Variants in RBFOX1 observed in about 807,000 individuals in gnomAD.
RBFOX1 encodes the protein RNA binding protein fox-1 homolog 1.
A neutral mutation model predicts 57.7 loss-of-function variants in RBFOX1; 8 were observed. The ratio of observed to expected loss-of-function variants is 0.14; its 90% CI spans 0.08 to 0.25. The LOEUF (loss-of-function observed/expected upper bound fraction) is 0.25, where lower values mean the gene tolerates loss of function less well. Among genes scored for constraint, RBFOX1 ranks in the 10% least tolerant of loss-of-function variants. The pLI, the probability that RBFOX1 is intolerant of heterozygous loss-of-function variation, is 1.00. For missense variants in RBFOX1, 611 were observed against 548.5 expected (o/e 1.11, Z -1.14); for synonymous variants, 326 against 222.4 (o/e 1.47, Z -4.15).
At chr16:7,575,839 C>T (rs1179259273) in intron 5 of RBFOX1, among the ~76,000 whole-genome samples, 3 of 152,170 alleles carry the variant, frequency 2.0e-5, no homozygotes, top group Non-Finnish European at 2.9e-5. Flanking sequence ...TGATCTCTAA[C>T]CCCAACATGC....
intron 1 of RBFOX1, among the ~76,000 whole-genome samples, chr16:5,457,307 AT>A (rs1567540044): frequency 6.6e-6 from 1 of 151,880 alleles, no homozygotes; most frequent in East Asian, 1.9e-4. Context: ...GATAATTTTT[AT>A]ATTTTTAGTA....
chr16:5,245,341 T>C (rs1181521771), intron 1 of RBFOX1, among the ~76,000 whole-genome samples: 1 of 152,148 alleles, frequency 6.6e-6, no homozygotes, highest in Non-Finnish European at 1.5e-5. Context: ...CTGAGGTTGC[T>C]TGGGACCCAG....
At chr16:5,535,552 C>T (rs143498752) in intron 2 of RBFOX1, among the ~76,000 whole-genome samples, 1 of 152,278 alleles carries the variant, frequency 6.6e-6, no homozygotes, top group East Asian at 1.9e-4. Flanking sequence ...TAGGAATAAT[C>T]CTCTGTTTTG....
chr16:6,024,728 G>A (rs190547372), intron 1 of RBFOX1, among the ~76,000 whole-genome samples: 12 of 152,192 alleles, frequency 7.9e-5, no homozygotes, highest in Non-Finnish European at 1.6e-4. Context: ...TGATCCACCC[G>A]CCTCCTCGGC....
At chr16:6,961,127 A>T (rs556234856) in intron 3 of RBFOX1, among the ~76,000 whole-genome samples, 2 of 116,916 alleles carry the variant, frequency 1.7e-5, no homozygotes, top group Non-Finnish European at 4.0e-5. Flanking sequence ...TGGGCAATAG[A>T]GACTCCATCA....
At chr16:5,568,373 A>G (rs1006420860) in intron 2 of RBFOX1, among the ~76,000 whole-genome samples, 2 of 152,142 alleles carry the variant, frequency 1.3e-5, no homozygotes, top group African/African-American at 4.8e-5. Flanking sequence ...TCCTTGCTTA[A>G]TACCTGATGG....
chr16:5,540,811 C>G (rs1266744267), intron 2 of RBFOX1, among the ~76,000 whole-genome samples: 1 of 152,130 alleles, frequency 6.6e-6, no homozygotes, highest in Non-Finnish European at 1.5e-5. Context: ...CAGCTCCATC[C>G]CAATTGCGCT....
At chr16:7,112,515 A>G (rs1314986825) in intron 4 of RBFOX1, among the ~76,000 whole-genome samples, 1 of 151,922 alleles carries the variant, frequency 6.6e-6, no homozygotes, top group Non-Finnish European at 1.5e-5. Flanking sequence ...CCTAACAAAC[A>G]TTCTTTTAAC....
At chr16:7,399,644 G>GCA (rs1421006789) in intron 4 of RBFOX1, among the ~76,000 whole-genome samples, 1 of 151,986 alleles carries the variant, frequency 6.6e-6, no homozygotes, top group Non-Finnish European at 1.5e-5. Context: ...TCTTCATATG[G>GCA]CATTCCCCTC....
At position 6,028,767 on chromosome 16, in the gene RBFOX1, G is replaced by T. The variant is rs74006565; in HGVS notation, c.-127+8775G>T. ...GTTCAGTCTGAATTACAGCAGGTAG[G>T]ATGCTGGTTAAAGAAGTGTCTTGCC... is the stretch of plus-strand genomic sequence containing the variant. On this transcript the variant is annotated intron_variant, in intron 1 of 15. Transcript: ENST00000550418. Among the ~76,000 whole-genome samples the T allele has an allele frequency of 4.0e-3, 605 of 152,278 alleles. 3 individuals are homozygous for T. The highest frequency in any genetic ancestry group is 0.014 in the African/African-American group (582 of 41,560).
intron 2 of RBFOX1, among the ~76,000 whole-genome samples, chr16:6,368,197 A>G (rs952350580): frequency 1.3e-5 from 2 of 152,152 alleles, no homozygotes; most frequent in African/African-American, 2.4e-5. Flanking sequence ...GACTTGTATT[A>G]TATACCCTGA....
At chr16:5,488,941 T>A (rs150178060) in intron 2 of RBFOX1, among the ~76,000 whole-genome samples, 58 of 152,360 alleles carry the variant, frequency 3.8e-4, no homozygotes, top group Non-Finnish European at 6.5e-4. Context: ...CATGTCAGTA[T>A]TCTGGTAAGC....
At chr16:7,601,862 C>A (rs1484878817) in intron 9 of RBFOX1, among the ~76,000 whole-genome samples, 1 of 152,126 alleles carries the variant, frequency 6.6e-6, no homozygotes, top group Non-Finnish European at 1.5e-5. Context: ...TAAATTTTGG[C>A]AATAAATACA....
At chr16:7,228,948 A>G (rs972758118) in intron 4 of RBFOX1, among the ~76,000 whole-genome samples, 6 of 152,200 alleles carry the variant, frequency 3.9e-5, no homozygotes, top group Non-Finnish European at 8.8e-5. Flanking sequence ...TAATAATATT[A>G]CAAGGCTTTA....
chr16:7,463,333 A>G (rs190012075), intron 4 of RBFOX1, among the ~76,000 whole-genome samples: 18 of 152,210 alleles, frequency 1.2e-4, no homozygotes, highest in African/African-American at 4.3e-4. Context: ...GTGTAACCAC[A>G]TTTCTACTAA....
intron 2 of RBFOX1, among the ~76,000 whole-genome samples, chr16:6,444,024 A>AC (rs2094438472): frequency 6.6e-6 from 1 of 152,186 alleles, no homozygotes; most frequent in South Asian, 2.1e-4. Context: ...ATATGAACAG[A>AC]TATTGTATAA....
chr16:5,593,135 T>G (rs567057612), intron 2 of RBFOX1, among the ~76,000 whole-genome samples: 1 of 151,524 alleles, frequency 6.6e-6, no homozygotes, highest in South Asian at 2.1e-4. Flanking sequence ...ATGTGGCACA[T>G]ATACACCATG....
At chr16:6,391,761 G>T (rs772100882) in intron 2 of RBFOX1, among the ~76,000 whole-genome samples, 1 of 152,134 alleles carries the variant, frequency 6.6e-6, no homozygotes, top group African/African-American at 2.4e-5. Flanking sequence ...GAGAGAAGGA[G>T]AAGATTAAGT....
At chr16:6,362,711 A>T (rs900851508) in intron 2 of RBFOX1, among the ~76,000 whole-genome samples, 2 of 152,218 alleles carry the variant, frequency 1.3e-5, no homozygotes, top group African/African-American at 4.8e-5. Flanking sequence ...TGGTAATCAC[A>T]AGTTCCTGTT....
Sources: gnomAD v4.1 joint callset for allele counts (sites outside exome capture counted in the v4.1 genomes callset) on GRCh38, gnomAD v4.1.1 for gene constraint, MANE v1.5 for transcripts, NCBI Gene and HGNC (gene_info 2026-07-23, HGNC 2026-07-21) for gene names.